The following ANK3 variants were observed in gnomAD, a reference collection of about 807,000 sequenced individuals.
ANK3 encodes the protein ankyrin-3.
In ANK3, 57 loss-of-function variants were observed where a neutral mutation model predicts 370.9. That is an observed-to-expected ratio of 0.15 (90% confidence interval 0.12 to 0.19). The LOEUF (loss-of-function observed/expected upper bound fraction) is 0.19. ANK3 is among the 10% of genes least tolerant of loss of function. The pLI is 1.00. For synonymous variants in ANK3, 1,929 were observed against 1,946.3 expected, an observed-to-expected ratio of 0.99 and a Z score of 0.23; for missense variants, 4,439 against 5,302.1, an observed-to-expected ratio of 0.84 and a Z score of 5.06.
intron 2 of ANK3, among the ~76,000 whole-genome samples, chr10:60,487,099 A>G (rs1387658278): frequency 1.3e-5 from 2 of 152,218 alleles, no homozygotes; most frequent in Non-Finnish European, 2.9e-5. Flanking sequence ...AGAAACTTAA[A>G]AAGAACCTAA....
At chr10:60,534,834 T>G (rs1310288927) in intron 2 of ANK3, among the ~76,000 whole-genome samples, 1 of 152,186 alleles carries the variant, frequency 6.6e-6, no homozygotes, top group East Asian at 1.9e-4. Context: ...ACTGGTAAAC[T>G]ATTGGCTTGT....
At chr10:60,355,086 A>T (rs1275990094) in intron 1 of ANK3, among the ~76,000 whole-genome samples, 2 of 152,182 alleles carry the variant, frequency 1.3e-5, no homozygotes, top group Non-Finnish European at 2.9e-5. Context: ...CATAAGAAAA[A>T]AGACTAGAAG....
chr10:60,178,459 C>CATAATTAAAATT (rs2096043777), intron 18 of ANK3, among the ~76,000 whole-genome samples: 1 of 152,034 alleles, frequency 6.6e-6, no homozygotes, highest in East Asian at 1.9e-4. Flanking sequence ...AAGAATTAAA[C>CATAATTAAAATT]AAAATAATAA....
chr10:60,429,870 ATATTTT>A (rs1454028235), intron 2 of ANK3, among the ~76,000 whole-genome samples: 1 of 152,210 alleles, frequency 6.6e-6, no homozygotes, highest in Non-Finnish European at 1.5e-5. Flanking sequence ...TTTGAATCTC[ATATTTT>A]AATGTAACAT....
At chr10:60,059,874 A>C in intron 40 of ANK3, 3 of 1,614,242 alleles carry the variant, frequency 1.9e-6, no homozygotes, top group Non-Finnish European at 2.5e-6. Flanking sequence ...CCCATCACTC[A>C]GTCTACTAGG....
chr10:60,590,318 T>G (rs1456894126), intron 2 of ANK3, among the ~76,000 whole-genome samples: 1 of 152,200 alleles, frequency 6.6e-6, no homozygotes, highest in Admixed American at 6.5e-5. Context: ...AAATATCTCT[T>G]CAATAATTAC....
intron 1 of ANK3, among the ~76,000 whole-genome samples, chr10:60,718,828 A>T (rs1395304047): frequency 2.0e-5 from 3 of 152,198 alleles, no homozygotes; most frequent in Non-Finnish European, 4.4e-5. Context: ...GACCAAATGT[A>T]CAACAAATGA....
At chr10:60,429,836 A>G (rs979230405) in intron 2 of ANK3, among the ~76,000 whole-genome samples, 1 of 152,196 alleles carries the variant, frequency 6.6e-6, no homozygotes, top group African/African-American at 2.4e-5. Context: ...TATTAACAGT[A>G]TATATTATTC....
At chr10:60,294,469 T>C (rs1207079046) in intron 1 of ANK3, among the ~76,000 whole-genome samples, 1 of 152,166 alleles carries the variant, frequency 6.6e-6, no homozygotes, top group Non-Finnish European at 1.5e-5. Flanking sequence ...CTAGAATTGT[T>C]GGTAAATGAA....
Position 60,071,873 on chromosome 10 carries a change from G to C in ANK3, c.9008C>G (p.Thr3003Arg), listed in dbSNP as rs530192165. The change falls in exon 37 of 44, where the codon ACA becomes AGA. Residue 3003 changes from threonine (T) to arginine (R), a missense_variant. Around this residue, in one of 13 missense-constraint regions of ANK3, gnomAD observed 1,601 missense variants for 1,731.7 expected, o/e 0.92. Transcript: ENST00000280772. The stretch of plus-strand genomic sequence containing the variant: ...AGAATTAAAGTGCTGTGTCTCAACT[G>C]TCTCTTTACTCATGCTTGACTGGGA... The part of the protein sequence containing the change: ...KLSQSSMSKE[T>R]VETQHFNSIE... 3 of 1,614,046 alleles carry C rather than the reference G, an allele frequency of 1.9e-6. No homozygotes were observed. Among genetic ancestry groups the C allele is most frequent in the Non-Finnish European group, 2.5e-6 (3 of 1,179,986 alleles).
chr10:60,502,332 A>G (rs995414165), intron 2 of ANK3, among the ~76,000 whole-genome samples: 2 of 152,200 alleles, frequency 1.3e-5, no homozygotes, highest in Non-Finnish European at 1.5e-5. Context: ...TTGAAAACAC[A>G]TTAGAAAAAA....
At chr10:60,589,993 CT>C (rs1429724953) in intron 2 of ANK3, among the ~76,000 whole-genome samples, 1 of 152,120 alleles carries the variant, frequency 6.6e-6, no homozygotes, top group Non-Finnish European at 1.5e-5. Flanking sequence ...GCCACAAATT[CT>C]TTTTTATGTT....
chr10:60,329,980 C>A (rs776247285), intron 1 of ANK3, among the ~76,000 whole-genome samples: 1 of 152,094 alleles, frequency 6.6e-6, no homozygotes. Flanking sequence ...GAAATAAAGC[C>A]ACACATATAC....
intron 2 of ANK3, among the ~76,000 whole-genome samples, chr10:60,503,124 T>C (rs950250685): frequency 1.2e-4 from 19 of 152,218 alleles, no homozygotes; most frequent in African/African-American, 4.8e-5. Flanking sequence ...ATGGATTCTG[T>C]TGACATGCTG....
chr10:60,459,688 C>A (rs1402997860), intron 2 of ANK3, among the ~76,000 whole-genome samples: 1 of 152,126 alleles, frequency 6.6e-6, no homozygotes, highest in African/African-American at 2.4e-5. Flanking sequence ...TCTCACCCAG[C>A]AAGTAAAATG....
chr10:60,280,249 G>A (rs1477567231), intron 1 of ANK3, among the ~76,000 whole-genome samples: 2 of 150,134 alleles, frequency 1.3e-5, no homozygotes, highest in East Asian at 1.9e-4. Context: ...TTTTAGAGAC[G>A]GGGTCTCACT....
chr10:60,107,519 TCAAA>T (rs1398885776), intron 27 of ANK3, among the ~76,000 whole-genome samples: 7 of 152,144 alleles, frequency 4.6e-5, no homozygotes, highest in Admixed American at 3.9e-4. Context: ...AATACAACAA[TCAAA>T]CAGACAAGTG....
intron 2 of ANK3, among the ~76,000 whole-genome samples, chr10:60,550,145 C>T (rs1233290370): frequency 6.6e-6 from 1 of 151,772 alleles, no homozygotes; most frequent in Non-Finnish European, 1.5e-5. Flanking sequence ...ATAAATCACA[C>T]CATTTTTGTT....
At chr10:60,503,017 C>T (rs554866431) in intron 2 of ANK3, among the ~76,000 whole-genome samples, 5 of 152,174 alleles carry the variant, frequency 3.3e-5, no homozygotes, top group Middle Eastern at 3.4e-3. Context: ...ATACTTAACT[C>T]TGTAATATGT....
Sources: allele counts gnomAD v4.1 joint callset (sites outside exome capture counted in the v4.1 genomes callset), GRCh38; gene constraint gnomAD v4.1.1; regional missense constraint gnomAD v4.1.1; transcripts MANE v1.5; gene names NCBI Gene and HGNC (gene_info 2026-07-23, HGNC 2026-07-21).